Variants in DYM observed in about 807,000 individuals in gnomAD.
DYM encodes dyggve-Melchior-Clausen syndrome protein.
In DYM, 78 loss-of-function variants were observed where a neutral mutation model predicts 93.1. The ratio of observed to expected loss-of-function variants is 0.84; its 90% CI spans 0.70 to 1.01. The LOEUF (loss-of-function observed/expected upper bound fraction) is 1.01, where lower values mean the gene tolerates loss of function less well. Among genes scored for constraint, DYM ranks in the 50% least tolerant of loss-of-function variants. The pLI, the probability that DYM is intolerant of heterozygous loss-of-function variation, is 0.00. For synonymous variants in DYM, 321 were observed against 319.7 expected (o/e 1.00, Z -0.04); for missense variants, 789 against 845.0 (o/e 0.93, Z 0.82).
At chr18:49,438,401 C>T (rs2081044802) in intron 1 of DYM, among the ~76,000 whole-genome samples, 2 of 152,056 alleles carry the variant, frequency 1.3e-5, no homozygotes, top group African/African-American at 4.8e-5. Context: ...AGTGATTACA[C>T]AGCCATGCTA....
intron 16 of DYM, among the ~76,000 whole-genome samples, chr18:49,113,759 G>A (rs1469549502): frequency 1.3e-5 from 2 of 152,304 alleles, no homozygotes; most frequent in East Asian, 3.9e-4. Flanking sequence ...AAGGCACACA[G>A]TAGAGATGTT....
chr18:49,392,845 A>C (rs1242035532), intron 2 of DYM, among the ~76,000 whole-genome samples: 1 of 151,238 alleles, frequency 6.6e-6, no homozygotes, highest in African/African-American at 2.4e-5. Flanking sequence ...AAATACAAAA[A>C]TTAGCCAGGC....
At chr18:49,115,499 T>C (rs1417513308) in intron 16 of DYM, among the ~76,000 whole-genome samples, 2 of 151,628 alleles carry the variant, frequency 1.3e-5, no homozygotes, top group Admixed American at 6.6e-5. Context: ...AAAAGAAAGA[T>C]AGGAAGGAAT....
At chr18:49,203,923 TG>T (rs550742294) in intron 14 of DYM, among the ~76,000 whole-genome samples, 761 of 50,984 alleles carry the variant, frequency 0.015, 5 homozygotes, top group South Asian at 0.031. Flanking sequence ...GAAAATTCTA[TG>T]GGGCAGAGCT....
intron 6 of DYM, among the ~76,000 whole-genome samples, chr18:49,353,310 T>C (rs1051793243): frequency 6.6e-6 from 1 of 152,120 alleles, no homozygotes; most frequent in Admixed American, 6.5e-5. Flanking sequence ...ATTATTTTTA[T>C]TGAACCCAAC....
chr18:49,382,831 C>A (rs1308659419), intron 3 of DYM, among the ~76,000 whole-genome samples: 2 of 152,252 alleles, frequency 1.3e-5, no homozygotes, highest in Non-Finnish European at 2.9e-5. Context: ...TGCCCCCATC[C>A]CTACAAGAAT....
chr18:49,440,358 A>G (rs1452053570), intron 1 of DYM, among the ~76,000 whole-genome samples: 1 of 132,236 alleles, frequency 7.6e-6, no homozygotes, highest in Admixed American at 8.7e-5. Flanking sequence ...AATATAGTAT[A>G]TGATATATAA....
intron 15 of DYM, among the ~76,000 whole-genome samples, chr18:49,155,864 T>C (rs771025161): frequency 1.2e-4 from 19 of 152,238 alleles, no homozygotes; most frequent in Admixed American, 3.3e-4. Flanking sequence ...CAAATAATGG[T>C]TCTATGAACA....
intron 17 of DYM, among the ~76,000 whole-genome samples, chr18:49,055,663 T>C (rs2075406855): frequency 6.6e-6 from 1 of 152,126 alleles, no homozygotes; most frequent in Non-Finnish European, 1.5e-5. Flanking sequence ...ATCCTGCCCA[T>C]TAGTAGCCCC....
At chr18:49,317,649 CT>C (rs1288556095) in intron 8 of DYM, among the ~76,000 whole-genome samples, 734 of 73,034 alleles carry the variant, frequency 0.01, 27 homozygotes, top group African/African-American at 0.04. Flanking sequence ...CTCTCCTCTC[CT>C]TCCTTCCTTC....
intron 13 of DYM, among the ~76,000 whole-genome samples, chr18:49,226,708 C>T (rs2093546719): frequency 6.6e-6 from 1 of 152,122 alleles, no homozygotes; most frequent in African/African-American, 2.4e-5. Flanking sequence ...TTACAACTTA[C>T]ATTTTGAAAG....
intron 17 of DYM, among the ~76,000 whole-genome samples, chr18:49,045,969 G>T (rs1276520257): frequency 6.6e-6 from 1 of 152,170 alleles, no homozygotes; most frequent in Non-Finnish European, 1.5e-5. Flanking sequence ...AGCAGGCAGA[G>T]GCAGGAGCCT....
chr18:49,422,757 A>G (rs1346048044), intron 2 of DYM, among the ~76,000 whole-genome samples: 3 of 152,236 alleles, frequency 2.0e-5, no homozygotes, highest in Non-Finnish European at 4.4e-5. Flanking sequence ...CTAGTCTCTG[A>G]TAAAACAGAC....
At chr18:49,177,605 T>C (rs977323622) in intron 14 of DYM, among the ~76,000 whole-genome samples, 27 of 152,310 alleles carry the variant, frequency 1.8e-4, no homozygotes, top group African/African-American at 5.8e-4. Flanking sequence ...GCTTCATCAC[T>C]ATAAAAAAAT....
chr18:49,277,226 T>A (rs996983672), intron 10 of DYM, among the ~76,000 whole-genome samples: 8 of 152,154 alleles, frequency 5.3e-5, no homozygotes, highest in African/African-American at 1.9e-4. Context: ...GAACTGAACA[T>A]ATATGGCACA....
rs370122876 is a variant in DYM at position 49,171,839 on chromosome 18, CTTAGTT to C, written c.1626-8058_1626-8053del. Among the ~76,000 whole-genome samples the C allele has an allele frequency of 3.0e-3, 457 of 152,270 alleles. 2 individuals carry two copies. The highest frequency in any genetic ancestry group is 0.01 in the African/African-American group (422 of 41,548). On this transcript the variant is annotated intron_variant, in intron 14 of 17. Coordinates refer to ENST00000675505, the MANE Select transcript of DYM (RefSeq NM_001353214.3). ...ATGACAGCCCTATGCTACTGGTTAC[CTTAGTT>C]TTAATCAGCTTTATTGAGAAATAAT...
intron 13 of DYM, among the ~76,000 whole-genome samples, chr18:49,218,443 A>T (rs1334924060): frequency 5.3e-5 from 8 of 152,246 alleles, no homozygotes; most frequent in African/African-American, 1.9e-4. Context: ...CCAAATCAAC[A>T]GAATATACAT....
intron 16 of DYM, among the ~76,000 whole-genome samples, chr18:49,118,008 T>TTTTTTTTTTTTTG: frequency 7.2e-6 from 1 of 139,558 alleles, no homozygotes; most frequent in Non-Finnish European, 1.5e-5. Flanking sequence ...TTTTTTTTTT[T>TTTTTTTTTTTTTG]TTTTTTTTTT....
At chr18:49,182,871 A>G (rs1055584343) in intron 14 of DYM, among the ~76,000 whole-genome samples, 1 of 152,140 alleles carries the variant, frequency 6.6e-6, no homozygotes, top group South Asian at 2.1e-4. Flanking sequence ...TCCCTGTTCT[A>G]TATACTGTGT....
Sources: allele counts gnomAD v4.1 joint callset (sites outside exome capture counted in the v4.1 genomes callset), GRCh38; gene constraint gnomAD v4.1.1; transcripts MANE v1.5; gene names NCBI Gene and HGNC (gene_info 2026-07-23, HGNC 2026-07-21).